PPIP5K2: variants seen among roughly 807,000 people sequenced by gnomAD.
PPIP5K2 encodes diphosphoinositol pentakisphosphate kinase 2, also known as inositol hexakisphosphate and diphosphoinositol-pentakisphosphate kinase 2.
PPIP5K2 carries 105 observed loss-of-function variants against 154.6 expected under a neutral mutation model. The ratio of observed to expected loss-of-function variants is 0.68; its 90% CI spans 0.58 to 0.80. The LOEUF is 0.80. PPIP5K2 is among the 30% of genes least tolerant of loss of function. The probability of loss-of-function intolerance (pLI) is 0.00; values close to 1 mark genes in which losing one functional copy is unlikely to be tolerated. For synonymous variants in PPIP5K2, 480 were observed against 490.3 expected, an observed-to-expected ratio of 0.98 and a Z score of 0.28; for missense variants, 992 against 1,504.6, an observed-to-expected ratio of 0.66 and a Z score of 5.64.
At chr5:103,142,124 A>G (rs1554207048) in intron 5 of PPIP5K2, among the ~76,000 whole-genome samples, 2 of 152,198 alleles carry the variant, frequency 1.3e-5, no homozygotes, top group African/African-American at 4.8e-5. Flanking sequence ...ACAGGAGCCC[A>G]TGGAGTGGGT....
At chr5:103,162,199 T>C (rs555296564) in intron 17 of PPIP5K2, among the ~76,000 whole-genome samples, 5 of 152,242 alleles carry the variant, frequency 3.3e-5, no homozygotes, top group Middle Eastern at 3.4e-3. Context: ...TGAGGACAAG[T>C]CTCTTGTCCT....
intron 5 of PPIP5K2, among the ~76,000 whole-genome samples, chr5:103,144,426 T>A (rs1182008954): frequency 2.0e-5 from 3 of 151,774 alleles, no homozygotes; most frequent in African/African-American, 7.3e-5. Context: ...AGAAAAAAAA[T>A]ACTAAAATTT....
At chr5:103,151,119 A>G in intron 8 of PPIP5K2, 134 bp from the exon 9 acceptor site, 1 of 586,446 alleles carries the variant, frequency 1.7e-6, no homozygotes, top group Non-Finnish European at 2.7e-6. Context: ...TTCATTTCTT[A>G]TTATGAAGTA....
chr5:103,176,666 A>G (rs1386975381), intron 21 of PPIP5K2, among the ~76,000 whole-genome samples: 1 of 152,012 alleles, frequency 6.6e-6, no homozygotes, highest in Non-Finnish European at 1.5e-5. Flanking sequence ...ATATATTTGT[A>G]ATGTAATTAC....
At chr5:103,181,050 GCTCT>G (rs1318127729) in intron 24 of PPIP5K2, among the ~76,000 whole-genome samples, 1 of 151,922 alleles carries the variant, frequency 6.6e-6, no homozygotes, top group African/African-American at 2.4e-5. Flanking sequence ...TAATTCTTAT[GCTCT>G]CTAATAGAAA....
chr5:103,190,206 G>A (rs1057031972), intron 28 of PPIP5K2, among the ~76,000 whole-genome samples: 1 of 151,906 alleles, frequency 6.6e-6, no homozygotes. Context: ...GAACATATTT[G>A]TATTTGTATT....
chr5:103,133,375 T>C, intron 2 of PPIP5K2, 78 bp from the exon 3 acceptor site: 2 of 1,254,522 alleles, frequency 1.6e-6, no homozygotes, highest in Admixed American at 2.9e-5. Flanking sequence ...TTATCTACTT[T>C]TGGAAAACAA....
chr5:103,142,801 T>C (rs1223182228), intron 5 of PPIP5K2, among the ~76,000 whole-genome samples: 1 of 147,900 alleles, frequency 6.8e-6, no homozygotes, highest in Admixed American at 6.7e-5. Flanking sequence ...ATTCAAGAAA[T>C]CATCTGAATG....
intron 16 of PPIP5K2, 50 bp downstream of exon 16, chr5:103,158,623 T>C: frequency 6.8e-7 from 1 of 1,466,804 alleles, no homozygotes; most frequent in Non-Finnish European, 9.1e-7. Context: ...TCTAATATTG[T>C]ATCTTAAAAC....
chr5:103,201,243 A>C (rs1243388328), intron 30 of PPIP5K2, among the ~76,000 whole-genome samples: 1 of 152,248 alleles, frequency 6.6e-6, no homozygotes, highest in Non-Finnish European at 1.5e-5. Flanking sequence ...AGCACAATGG[A>C]TGGTAGTTAA....
intron 24 of PPIP5K2, among the ~76,000 whole-genome samples, chr5:103,180,849 A>C (rs797030353): frequency 0.027 from 3,724 of 138,426 alleles, 68 homozygotes; most frequent in African/African-American, 0.061. Flanking sequence ...GACTCTCCCC[A>C]AAAAAAAAAA....
At chr5:103,140,179 C>A (rs1792316428) in intron 5 of PPIP5K2, among the ~76,000 whole-genome samples, 2 of 151,094 alleles carry the variant, frequency 1.3e-5, no homozygotes, top group South Asian at 4.2e-4. Context: ...TTAAAAATAG[C>A]CTCAAAGGGA....
chr5:103,151,288 T>C lies in PPIP5K2; in HGVS notation c.942T>C (p.Asn314=). The change falls in exon 9 of 31, where the codon AAT becomes AAC. Residue 314 remains asparagine (N), a synonymous_variant. Coordinates refer to ENST00000358359, the MANE Select transcript of PPIP5K2 (RefSeq NM_001276277.3). Reference sequence around the variant, plus strand: ...GTGGCTTTGATTTGTTACGGGCCAATGGACAGTCCTATGTCTGTGATGTCA... The same window carrying C: ...GTGGCTTTGATTTGTTACGGGCCAACGGACAGTCCTATGTCTGTGATGTCA... ...TVCGFDLLRA[N]GQSYVCDVNG... is the part of the protein sequence containing the mutation. 2 of 1,609,190 alleles carry C rather than the reference T, an allele frequency of 1.2e-6. No individual in the cohort carries two copies. The highest frequency in any genetic ancestry group is 2.2e-5 in the South Asian group (2 of 90,440).
rs974782565 is a variant in PPIP5K2, at chr5:103,140,730, G to T, written c.487+2261G>T. Reference sequence around the variant, plus strand: ...CGGGCGCCTGTAGTCCCAGCTACTCGGGAGGCTGAGGCAGGAGAATGGCGT... The same window carrying T: ...CGGGCGCCTGTAGTCCCAGCTACTCTGGAGGCTGAGGCAGGAGAATGGCGT... On this transcript the variant is annotated intron_variant, in intron 5 of 30. Transcript: ENST00000358359. Among the ~76,000 whole-genome samples, 12 of 151,294 alleles carry T rather than the reference G, an allele frequency of 7.9e-5. No homozygotes were observed. In the East Asian group the frequency reaches 2.1e-3, roughly 27 times the overall value.
intron 30 of PPIP5K2, among the ~76,000 whole-genome samples, chr5:103,198,329 A>G (rs925033288): frequency 5.8e-4 from 88 of 152,292 alleles, no homozygotes; most frequent in Non-Finnish European, 9.9e-4. Flanking sequence ...ACTAAAAAAA[A>G]AACCCAAATG....
rs1803202287 is a variant in PPIP5K2, at chr5:103,202,793, A to T, written c.*1159A>T. 6.6e-6 allele frequency: 1 copy of T among 152,154 alleles called. No homozygotes were observed. The highest frequency in any genetic ancestry group is 2.4e-5 in the African/African-American group (1 of 41,456). 9.4% of individuals were successfully genotyped at this position (152,154 alleles called of 1,614,324 possible). On this transcript the variant is annotated 3_prime_UTR_variant, in exon 31 of 31. Coordinates refer to ENST00000358359, the MANE Select transcript of PPIP5K2 (RefSeq NM_001276277.3). ...ACTGTAATCCAAATGGGACAATCTG[A>T]TAAGAATTTCATGCATTGGTAGTTA...
intron 30 of PPIP5K2, among the ~76,000 whole-genome samples, chr5:103,200,827 G>T (rs536010141): frequency 6.6e-6 from 1 of 151,958 alleles, no homozygotes; most frequent in South Asian, 2.1e-4. Context: ...TGTAGAGAAG[G>T]GGGTCTCACT....
intron 18 of PPIP5K2, 141 bp downstream of exon 18, chr5:103,167,461 C>T: frequency 1.8e-6 from 1 of 566,468 alleles, no homozygotes; most frequent in Non-Finnish European, 2.8e-6. Flanking sequence ...GTATATCAAG[C>T]AAAAAAATAA....
intron 2 of PPIP5K2, among the ~76,000 whole-genome samples, chr5:103,131,457 A>G (rs782007765): frequency 1.2e-4 from 19 of 152,288 alleles, no homozygotes; most frequent in Middle Eastern, 6.8e-3. Flanking sequence ...TATCTTCAAT[A>G]CATGATTAAT....
Sources: gnomAD v4.1 joint callset for allele counts (sites outside exome capture counted in the v4.1 genomes callset) on GRCh38, gnomAD v4.1.1 for gene constraint, MANE v1.5 for transcripts, NCBI Gene and HGNC (gene_info 2026-07-23, HGNC 2026-07-21) for gene names.